The following RNF2 variants were observed in gnomAD, a reference collection of about 807,000 sequenced individuals.
RNF2 encodes ring finger protein 2.
A neutral mutation model predicts 37.2 loss-of-function variants in RNF2; 6 were observed. The ratio of observed to expected loss-of-function variants is 0.16; its 90% confidence interval spans 0.09 to 0.32. The LOEUF (loss-of-function observed/expected upper bound fraction) is 0.32. Among genes scored for constraint, RNF2 ranks in the 10% least tolerant of loss-of-function variants. The probability of loss-of-function intolerance (pLI) is 1.00; values close to 1 mark genes in which losing one functional copy is unlikely to be tolerated. For missense variants in RNF2, 251 were observed against 404.0 expected (o/e 0.62, Z 3.25); for synonymous variants, 133 against 132.7 (o/e 1.00, Z -0.02).
At chr1:185,095,990 G>A (rs1651899962) in intron 4 of RNF2, among the ~76,000 whole-genome samples, 1 of 152,104 alleles carries the variant, frequency 6.6e-6, no homozygotes, top group Non-Finnish European at 1.5e-5. Context: ...TAGACTTAAT[G>A]TTCTTTATAT....
chr1:185,069,129 T>C (rs1396540346), intron 1 of RNF2, among the ~76,000 whole-genome samples: 1 of 152,202 alleles, frequency 6.6e-6, no homozygotes, highest in Admixed American at 6.5e-5. Context: ...GTGCTATTTA[T>C]TATGAATTCC....
chr1:185,087,807 C>A (rs1233790823), intron 2 of RNF2, among the ~76,000 whole-genome samples, 167 bp downstream of exon 2: 1 of 152,220 alleles, frequency 6.6e-6, no homozygotes, highest in Non-Finnish European at 1.5e-5. Context: ...AACAAATAAT[C>A]TGAATACTCT....
chr1:185,061,719 T>TGGC (rs1005286299), intron 1 of RNF2, among the ~76,000 whole-genome samples: 1 of 152,348 alleles, frequency 6.6e-6, no homozygotes, highest in Admixed American at 6.5e-5. Flanking sequence ...AACTGGTTGC[T>TGGC]GGCTGAAGTA....
chr1:185,073,049 C>A (rs1571308437), intron 1 of RNF2, among the ~76,000 whole-genome samples: 1 of 137,908 alleles, frequency 7.3e-6, no homozygotes, highest in Admixed American at 7.5e-5. Flanking sequence ...ACATTTTGCT[C>A]TACGACTTGC....
At chr1:185,063,693 G>A (rs963954398) in intron 1 of RNF2, among the ~76,000 whole-genome samples, 1 of 152,156 alleles carries the variant, frequency 6.6e-6, no homozygotes, top group African/African-American at 2.4e-5. Flanking sequence ...TGAAATTAAG[G>A]TGTTGGAAGG....
At chr1:185,062,693 CTG>C (rs1203166756) in intron 1 of RNF2, among the ~76,000 whole-genome samples, 2 of 151,876 alleles carry the variant, frequency 1.3e-5, no homozygotes, top group Non-Finnish European at 2.9e-5. Context: ...AAGCAGCAAA[CTG>C]GGGAAAATTA....
chr1:185,073,242 G>T (rs1651042191), intron 1 of RNF2, among the ~76,000 whole-genome samples: 2 of 151,886 alleles, frequency 1.3e-5, no homozygotes, highest in South Asian at 4.1e-4. Context: ...TTATGCATAT[G>T]CTTATTCTAT....
intron 1 of RNF2, among the ~76,000 whole-genome samples, chr1:185,070,624 C>A (rs1383110717): frequency 6.6e-6 from 1 of 150,504 alleles, no homozygotes; most frequent in African/African-American, 2.4e-5. Flanking sequence ...CTGTAGACTG[C>A]AGTATTTTCT....
intron 1 of RNF2, among the ~76,000 whole-genome samples, chr1:185,075,241 G>A (rs1391358765): frequency 2.0e-5 from 3 of 151,984 alleles, no homozygotes; most frequent in African/African-American, 7.3e-5. Context: ...TGATCCCCCC[G>A]CCTCGGCCTC....
At chr1:185,052,326 G>A (rs947907107) in intron 1 of RNF2, among the ~76,000 whole-genome samples, 8 of 152,184 alleles carry the variant, frequency 5.3e-5, no homozygotes, top group African/African-American at 1.7e-4. Flanking sequence ...CCAAATGTCT[G>A]TCAACAGATG....
intron 1 of RNF2, among the ~76,000 whole-genome samples, chr1:185,076,053 A>G (rs987624797): frequency 4.6e-5 from 7 of 151,958 alleles, no homozygotes; most frequent in African/African-American, 1.7e-4. Flanking sequence ...AGTACTCAGT[A>G]TATATTATCG....
chr1:185,080,027 G>T (rs1020566300), intron 1 of RNF2, among the ~76,000 whole-genome samples: 1 of 152,108 alleles, frequency 6.6e-6, no homozygotes, highest in Admixed American at 6.5e-5. Context: ...GTGTTGACAA[G>T]GATCTTTAGG....
chr1:185,074,921 G>T (rs1018563164), intron 1 of RNF2, among the ~76,000 whole-genome samples: 1 of 152,146 alleles, frequency 6.6e-6, no homozygotes, highest in Non-Finnish European at 1.5e-5. Context: ...GGGAGGGGGA[G>T]CTCAGAGGGT....
intron 4 of RNF2, among the ~76,000 whole-genome samples, chr1:185,095,778 A>G (rs1242390017): frequency 6.6e-6 from 1 of 152,118 alleles, no homozygotes; most frequent in Admixed American, 6.5e-5. Flanking sequence ...ACTTCTACAT[A>G]CATTTCAGAT....
At chr1:185,073,581 CAT>C (rs1248043738) in intron 1 of RNF2, among the ~76,000 whole-genome samples, 1 of 152,150 alleles carries the variant, frequency 6.6e-6, no homozygotes, top group Admixed American at 6.5e-5. Flanking sequence ...TAAAAGGACA[CAT>C]AAATGTGATT....
At chr1:185,080,103 C>T (rs1416872427) in intron 1 of RNF2, among the ~76,000 whole-genome samples, 1 of 152,168 alleles carries the variant, frequency 6.6e-6, no homozygotes, top group Non-Finnish European at 1.5e-5. Context: ...TTGTGTGGCA[C>T]CTCACTTCGT....
At chr1:185,085,432 G>A (rs183453333) in intron 1 of RNF2, among the ~76,000 whole-genome samples, 125 of 151,712 alleles carry the variant, frequency 8.2e-4, no homozygotes, top group Middle Eastern at 3.4e-3. Context: ...CACCGCGCCC[G>A]GCCTGACCCT....
intron 1 of RNF2, among the ~76,000 whole-genome samples, chr1:185,058,417 G>T (rs1206659720): frequency 6.6e-6 from 1 of 152,184 alleles, no homozygotes; most frequent in African/African-American, 2.4e-5. Context: ...TCTCCCAGAG[G>T]TGAGAGTTCC....
rs1464213249 is a variant in RNF2 at position 185,086,371 on chromosome 1, C to T, written c.-2-1181C>T. Reference sequence around the variant, plus strand: ...TCCCACAAGAGTGAGTTTTTTTTATCTACAACCCTCTTTCCCATATTTATA... The same window carrying T: ...TCCCACAAGAGTGAGTTTTTTTTATTTACAACCCTCTTTCCCATATTTATA... On this transcript the variant is annotated intron_variant, in intron 1 of 6. Coordinates refer to ENST00000367510, the MANE Select transcript of RNF2 (RefSeq NM_007212.4). 2.0e-5 allele frequency among the ~76,000 whole-genome samples: 3 copies of T among 151,820 alleles called. No homozygotes were observed. In the East Asian group the frequency reaches 5.8e-4, roughly 29 times the overall value.
Sources: gnomAD v4.1 joint callset for allele counts (sites outside exome capture counted in the v4.1 genomes callset) on GRCh38, gnomAD v4.1.1 for gene constraint, MANE v1.5 for transcripts, NCBI Gene and HGNC (gene_info 2026-07-23, HGNC 2026-07-21) for gene names.